The following TSG101 variants were observed in gnomAD, a reference collection of about 807,000 sequenced individuals.
The protein encoded by TSG101 is tumor susceptibility 101.
In TSG101, 19 loss-of-function variants were observed where a neutral mutation model predicts 48.5. That is an observed-to-expected ratio of 0.39 (90% confidence interval 0.27 to 0.58). The LOEUF (loss-of-function observed/expected upper bound fraction) is 0.58, where lower values mean the gene tolerates loss of function less well. Ranked by LOEUF, TSG101 falls within the 20% of genes least tolerant of loss-of-function variation. The pLI, the probability that TSG101 is intolerant of heterozygous loss-of-function variation, is 0.55. For missense variants in TSG101, 365 were observed against 484.4 expected, an observed-to-expected ratio of 0.75 and a Z score of 2.31; for synonymous variants, 174 against 169.4, an observed-to-expected ratio of 1.03 and a Z score of -0.21.
intron 7 of TSG101, among the ~76,000 whole-genome samples, chr11:18,485,700 A>G (rs1233651725): frequency 6.6e-6 from 1 of 152,282 alleles, no homozygotes; most frequent in Non-Finnish European, 1.5e-5. Flanking sequence ...TGAAAATCAG[A>G]AAAATGAACT....
chr11:18,487,185 CACA>C (rs937755775), intron 7 of TSG101, among the ~76,000 whole-genome samples: 26 of 150,448 alleles, frequency 1.7e-4, no homozygotes, highest in South Asian at 8.4e-4. Flanking sequence ...GTAGGTGCAG[CACA>C]ACAACATGGC....
chr11:18,486,101 C>T (rs1421550093), intron 7 of TSG101, among the ~76,000 whole-genome samples: 4 of 152,248 alleles, frequency 2.6e-5, no homozygotes, highest in Non-Finnish European at 5.9e-5. Flanking sequence ...GGGACTTTCC[C>T]ACCTTTGGGT....
At chr11:18,492,468 T>A (rs1480222697) in intron 7 of TSG101, among the ~76,000 whole-genome samples, 1 of 152,234 alleles carries the variant, frequency 6.6e-6, no homozygotes, top group Non-Finnish European at 1.5e-5. Flanking sequence ...AATTTTTAAA[T>A]CCTTATTTTT....
chr11:18,493,904 C>T (rs1346827637), intron 7 of TSG101, among the ~76,000 whole-genome samples: 2 of 152,148 alleles, frequency 1.3e-5, no homozygotes, highest in Non-Finnish European at 2.9e-5. Context: ...AGGCTTTGTG[C>T]AGGCTATGGA....
rs1185039308 is a variant in TSG101, at chr11:18,490,803, C to T, written c.641-6731G>A. On this transcript the variant is annotated intron_variant, in intron 7 of 9. Coordinates refer to ENST00000251968, the MANE Select transcript of TSG101 (RefSeq NM_006292.4). ...ATGCCAGGAAAGCAGCGGGCACCAA[C>T]CATGTTCTTGTAGGCAACAGAGAGC... is the stretch of plus-strand genomic sequence containing the variant. 1.9e-5 allele frequency: 10 copies of T among 538,204 alleles called. No homozygotes were observed. In the Admixed American group the frequency reaches 2.1e-4, roughly 11 times the overall value. The allele number at this position is 538,204 out of a possible 1,614,324, so 33.3% of individuals were successfully genotyped here.
chr11:18,511,088 T>C (rs1219566372), intron 4 of TSG101: 1 of 152,236 alleles, frequency 6.6e-6, no homozygotes, highest in African/African-American at 2.4e-5. Flanking sequence ...ACTTCATTCA[T>C]AAGTTCACTG....
rs368764998 is a variant in TSG101 at position 18,488,290 on chromosome 11, TTTCTC to T, written c.641-4223_641-4219del. Among the ~76,000 whole-genome samples, 213 of 152,304 alleles carry T rather than the reference TTTCTC, an allele frequency of 1.4e-3. 1 individual carries two copies. The highest frequency in any genetic ancestry group is 4.7e-3 in the African/African-American group (194 of 41,572). ...TTTAAATCAGTGCATGAGGTTTTCT[TTTCTC>T]ATTTCAGCAGATGGACAAACAGATG... On this transcript the variant is annotated intron_variant, in intron 7 of 9. Coordinates refer to ENST00000251968, the MANE Select transcript of TSG101 (RefSeq NM_006292.4).
At chr11:18,494,814 CA>C (rs1849750454) in intron 7 of TSG101, among the ~76,000 whole-genome samples, 1 of 152,040 alleles carries the variant, frequency 6.6e-6, no homozygotes, top group Non-Finnish European at 1.5e-5. Context: ...TTCTGTAGGC[CA>C]AACACTTAAT....
rs1590272296 is a variant in TSG101 at position 18,490,431 on chromosome 11, T to C, written c.641-6359A>G. The C allele has an allele frequency of 1.2e-5, 7 of 573,926 alleles. No individual in the cohort carries two copies. In the East Asian group the frequency reaches 2.6e-4, roughly 21 times the overall value. The allele number at this position is 573,926 out of a possible 1,614,324, so 35.6% of individuals were successfully genotyped here. Reference sequence around the variant, plus strand: ...CTTTTCAGTAGAGTTTAGAATCTCATAGTAAAAGACTGAGAAATTAAGTGC... The same window carrying C: ...CTTTTCAGTAGAGTTTAGAATCTCACAGTAAAAGACTGAGAAATTAAGTGC... On this transcript the variant is annotated intron_variant, in intron 7 of 9. Coordinates refer to ENST00000251968, the MANE Select transcript of TSG101 (RefSeq NM_006292.4).
intron 7 of TSG101, among the ~76,000 whole-genome samples, chr11:18,486,004 C>G (rs996049095): frequency 6.6e-6 from 1 of 152,200 alleles, no homozygotes; most frequent in Non-Finnish European, 1.5e-5. Flanking sequence ...TTTAACCAAT[C>G]AAATGTTGCC....
chr11:18,505,367 C>T (rs1849952649), intron 6 of TSG101, among the ~76,000 whole-genome samples: 1 of 151,930 alleles, frequency 6.6e-6, no homozygotes, highest in African/African-American at 2.4e-5. Context: ...GTGATCCTTC[C>T]ACCTCACCCT....
At chr11:18,507,085 A>G (rs1276452928) in intron 5 of TSG101, among the ~76,000 whole-genome samples, 162 bp from the exon 6 acceptor site, 2 of 152,210 alleles carry the variant, frequency 1.3e-5, no homozygotes, top group African/African-American at 2.4e-5. Context: ...CCCTTTCATA[A>G]TCCTGAAATC....
At chr11:18,497,346 CAA>C (rs1477558386) in intron 7 of TSG101, among the ~76,000 whole-genome samples, 2 of 151,902 alleles carry the variant, frequency 1.3e-5, no homozygotes, top group African/African-American at 4.8e-5. Flanking sequence ...GGTAGAAAAA[CAA>C]TATATATTAA....
chr11:18,524,167 T>A (rs1850326921), intron 1 of TSG101, among the ~76,000 whole-genome samples: 1 of 152,320 alleles, frequency 6.6e-6, no homozygotes, highest in African/African-American at 2.4e-5. Flanking sequence ...AAAATATAAG[T>A]GGCTGTATGT....
At chr11:18,514,911 C>G in intron 3 of TSG101, 70 bp from the exon 4 acceptor site, 1 of 1,389,192 alleles carries the variant, frequency 7.2e-7, no homozygotes, top group Non-Finnish European at 9.6e-7. Context: ...GTTAAAGGAA[C>G]AGAGGTTTAG....
intron 7 of TSG101, among the ~76,000 whole-genome samples, chr11:18,499,266 T>A (rs1849837009): frequency 8.4e-6 from 1 of 119,078 alleles, no homozygotes; most frequent in Non-Finnish European, 1.8e-5. Context: ...ATATATATTT[T>A]ATATATATTT....
intron 8 of TSG101, among the ~76,000 whole-genome samples, chr11:18,482,427 G>T (rs1406212621): frequency 6.6e-6 from 1 of 152,156 alleles, no homozygotes; most frequent in Non-Finnish European, 1.5e-5. Context: ...ACTTTGTAAG[G>T]CTAATGGGTA....
At position 18,481,797 on chromosome 11, in the gene TSG101, C is replaced by T; in HGVS notation, c.916G>A (p.Glu306Lys). The T allele has an allele frequency of 2.5e-6, 4 of 1,614,100 alleles. No homozygotes were observed. The highest frequency in any genetic ancestry group is 3.4e-6 in the Non-Finnish European group (4 of 1,180,020). Residue 306 changes from glutamate to lysine, a missense_variant, in exon 9 of 10, where the codon GAA becomes AAA. By Grantham distance (56) the Glu-to-Lys change is moderately conservative (BLOSUM62 1). Coordinates refer to ENST00000251968, the MANE Select transcript of TSG101 (RefSeq NM_006292.4). The part of the protein sequence containing the change: ...EELSSALEKM[E>K]NQSENNDIDE... ...ATATCATTGTTTTCAGACTGATTTT[C>T]CATTTTTTCCAGAGCAGAACTGAGT... is the stretch of plus-strand genomic sequence containing the variant.
chr11:18,523,539 G>A (rs1850315668), intron 1 of TSG101, among the ~76,000 whole-genome samples: 1 of 152,116 alleles, frequency 6.6e-6, no homozygotes, highest in South Asian at 2.1e-4. Context: ...TTCTCGCTTT[G>A]TCACCCAGGC....
Sources: gnomAD v4.1 joint callset for allele counts (sites outside exome capture counted in the v4.1 genomes callset) on GRCh38, gnomAD v4.1.1 for gene constraint, MANE v1.5 for transcripts, NCBI Gene and HGNC (gene_info 2026-07-23, HGNC 2026-07-21) for gene names.